The following LSAMP variants were observed in gnomAD, a reference collection of about 807,000 sequenced individuals.
LSAMP encodes the protein limbic system associated membrane protein.
LSAMP carries 7 observed loss-of-function variants against 38.6 expected under a neutral mutation model. The observed-to-expected ratio is 0.18, with a 90% CI of 0.10 to 0.34. LSAMP has a LOEUF of 0.34. Among genes scored for constraint, LSAMP ranks in the 10% least tolerant of loss-of-function variants. The pLI is 1.00. For missense variants in LSAMP, 313 were observed against 420.0 expected (o/e 0.75, Z 2.23); for synonymous variants, 154 against 166.8 (o/e 0.92, Z 0.59).
intron 1 of LSAMP, among the ~76,000 whole-genome samples, chr3:116,260,747 G>A (rs1302563837): frequency 1.3e-5 from 2 of 152,146 alleles, no homozygotes; most frequent in Non-Finnish European, 2.9e-5. Flanking sequence ...CAACCTACGT[G>A]AGGCTTAGAG....
rs115557098 is a variant in LSAMP, at chr3:116,442,586, G to A, written c.155+2291C>T. Among the ~76,000 whole-genome samples the A allele has an allele frequency of 6.7e-3, 1,025 of 152,044 alleles. 10 individuals are homozygous for A. The highest frequency in any genetic ancestry group is 0.023 in the African/African-American group (953 of 41,454). ...AAGAAGGTCAGCTAAGAAGACAAAG[G>A]GAATTCTCTCCATAGTTAATTCTGA... is the stretch of plus-strand genomic sequence containing the variant. On this transcript the variant is annotated intron_variant, in intron 1 of 6. Coordinates refer to ENST00000490035, the MANE Select transcript of LSAMP (RefSeq NM_002338.5).
rs1014242330 is a variant in LSAMP at position 116,204,532 on chromosome 3, T to C, written c.156-117976A>G. Among the ~76,000 whole-genome samples, 4 of 150,742 alleles carry C rather than the reference T, an allele frequency of 2.7e-5. No individual in the cohort carries two copies. In the East Asian group the frequency reaches 5.9e-4, roughly 22 times the overall value. ...TTTTCTTCTAGGGTTTTTATGGTTTTAGGTCTAACATTTAAGTCTTTAATC... is the reference window on the plus strand; with the variant it reads ...TTTTCTTCTAGGGTTTTTATGGTTTCAGGTCTAACATTTAAGTCTTTAATC... On this transcript the variant is annotated intron_variant, in intron 1 of 6. Transcript: ENST00000490035.
At chr3:115,843,093 C>A (rs1448504049) in intron 4 of LSAMP, among the ~76,000 whole-genome samples, 1 of 151,544 alleles carries the variant, frequency 6.6e-6, no homozygotes, top group Non-Finnish European at 1.5e-5. Context: ...GATTCAGAAA[C>A]AAACAAACAA....
At chr3:116,078,662 A>G (rs886739514) in intron 2 of LSAMP, among the ~76,000 whole-genome samples, 1 of 152,180 alleles carries the variant, frequency 6.6e-6, no homozygotes, top group Non-Finnish European at 1.5e-5. Context: ...CCTAATTTAT[A>G]TCAGAATTGT....
At chr3:115,847,704 G>A (rs192702887) in intron 4 of LSAMP, among the ~76,000 whole-genome samples, 60 of 152,224 alleles carry the variant, frequency 3.9e-4, no homozygotes, top group African/African-American at 1.3e-3. Context: ...CTTTCCTGCC[G>A]CCTTGTGAAG....
chr3:116,250,578 A>T (rs1424235450), intron 1 of LSAMP, among the ~76,000 whole-genome samples: 2 of 152,088 alleles, frequency 1.3e-5, no homozygotes, highest in African/African-American at 2.4e-5. Flanking sequence ...AAAAGGAACA[A>T]ATATCAGGCC....
At chr3:116,328,401 T>C (rs537015051) in intron 1 of LSAMP, among the ~76,000 whole-genome samples, 1 of 152,318 alleles carries the variant, frequency 6.6e-6, no homozygotes, top group South Asian at 2.1e-4. Flanking sequence ...GCAAGTGTGT[T>C]TACACATATA....
At position 115,805,787 on chromosome 3, in the gene LSAMP, A is replaced by G. The variant is rs964948983; in HGVS notation, c.*4530T>C. ...TTCTTTTCTGCTAGTATGCACATAA[A>G]TGTAAACTCCATTTTGCATTTAGTG... is the stretch of plus-strand genomic sequence containing the variant. On this transcript the variant is annotated 3_prime_UTR_variant, in exon 7 of 7. Coordinates refer to ENST00000490035, the MANE Select transcript of LSAMP (RefSeq NM_002338.5). The G allele has an allele frequency of 6.6e-6, 1 of 152,326 alleles. No individual in the cohort carries two copies. The highest frequency in any genetic ancestry group is 3.4e-3 in the Middle Eastern group (1 of 294). The allele number at this position is 152,326 out of a possible 1,614,324, so 9.4% of individuals were successfully genotyped here.
chr3:116,336,741 G>A (rs905430512), intron 1 of LSAMP, among the ~76,000 whole-genome samples: 3 of 151,816 alleles, frequency 2.0e-5, no homozygotes, highest in African/African-American at 7.2e-5. Context: ...GCAATGCCTC[G>A]AAATATTAAA....
intron 3 of LSAMP, among the ~76,000 whole-genome samples, chr3:115,978,907 AAAGGAGGTGAGT>A (rs1939270514): frequency 6.6e-6 from 1 of 152,156 alleles, no homozygotes; most frequent in Non-Finnish European, 1.5e-5. Flanking sequence ...ATTGAAATCA[AAAGGAGGTGAGT>A]AAGGAGATGA....
intron 3 of LSAMP, among the ~76,000 whole-genome samples, chr3:115,924,698 A>G (rs1169566995): frequency 6.6e-6 from 1 of 152,246 alleles, no homozygotes; most frequent in Non-Finnish European, 1.5e-5. Context: ...GGAAGGCATT[A>G]CAGGGAAATA....
chr3:116,143,312 T>C (rs184344561), intron 1 of LSAMP, among the ~76,000 whole-genome samples: 8 of 152,094 alleles, frequency 5.3e-5, no homozygotes, highest in Admixed American at 1.3e-4. Context: ...TATGTTTGCA[T>C]AGAGTTGTTT....
At chr3:116,290,925 C>T (rs2047258914) in intron 1 of LSAMP, among the ~76,000 whole-genome samples, 1 of 152,028 alleles carries the variant, frequency 6.6e-6, no homozygotes, top group Admixed American at 6.6e-5. Flanking sequence ...TTCTTGCACA[C>T]ATGGTCCCAT....
At chr3:116,174,833 C>A (rs768525709) in intron 1 of LSAMP, among the ~76,000 whole-genome samples, 9 of 152,118 alleles carry the variant, frequency 5.9e-5, no homozygotes, top group Non-Finnish European at 1.0e-4. Context: ...AAATCACCCA[C>A]CATTTAGCCT....
chr3:115,967,807 C>T (rs750158631), intron 3 of LSAMP, among the ~76,000 whole-genome samples: 2 of 152,072 alleles, frequency 1.3e-5, no homozygotes, highest in Non-Finnish European at 2.9e-5. Context: ...ATCACGAGAA[C>T]AGCATGGGAA....
chr3:115,821,572 C>T (rs2107466528), intron 6 of LSAMP, among the ~76,000 whole-genome samples: 1 of 152,242 alleles, frequency 6.6e-6, no homozygotes, highest in South Asian at 2.1e-4. Flanking sequence ...ATGTGTGTGA[C>T]ATAAGTCTTT....
chr3:115,953,816 T>A (rs1269728846), intron 3 of LSAMP, among the ~76,000 whole-genome samples: 1 of 152,196 alleles, frequency 6.6e-6, no homozygotes, highest in African/African-American at 2.4e-5. Context: ...GTTTTCCATT[T>A]CTTTAGTCAT....
chr3:116,325,000 G>A (rs73861629), intron 1 of LSAMP, among the ~76,000 whole-genome samples: 1,885 of 151,830 alleles, frequency 0.012, 46 homozygotes, highest in African/African-American at 0.044. Context: ...TATTCAAGAT[G>A]ATATCTTTAA....
chr3:116,249,610 T>C (rs1377980716), intron 1 of LSAMP, among the ~76,000 whole-genome samples: 1 of 151,838 alleles, frequency 6.6e-6, no homozygotes, highest in Non-Finnish European at 1.5e-5. Flanking sequence ...GGTCTCAAAC[T>C]CCTGACCTCG....
Sources: allele counts gnomAD v4.1 joint callset (sites outside exome capture counted in the v4.1 genomes callset), GRCh38; gene constraint gnomAD v4.1.1; transcripts MANE v1.5; gene names NCBI Gene and HGNC (gene_info 2026-07-23, HGNC 2026-07-21).